TTC12: variants seen among roughly 807,000 people sequenced by gnomAD.
TTC12 encodes the protein tetratricopeptide repeat domain 12.
Under a neutral mutation model 90.1 loss-of-function variants are expected in TTC12, and 70 were observed. The ratio of observed to expected loss-of-function variants is 0.78; its 90% CI spans 0.64 to 0.95. The LOEUF (loss-of-function observed/expected upper bound fraction) is 0.95, where lower values mean the gene tolerates loss of function less well. Among genes scored for constraint, TTC12 ranks in the 40% least tolerant of loss-of-function variants. The pLI is 0.00. For synonymous variants in TTC12, 296 were observed against 311.5 expected, an observed-to-expected ratio of 0.95 and a Z score of 0.53; for missense variants, 819 against 846.1, an observed-to-expected ratio of 0.97 and a Z score of 0.40.
At chr11:113,314,972 G>C (rs1417167443) in intron 1 of TTC12, 1 of 151,878 alleles carries the variant, frequency 6.6e-6, no homozygotes, top group Non-Finnish European at 1.5e-5. Flanking sequence ...TCTCACCCTA[G>C]CGTAGGGGGG....
chr11:113,349,816 G>A (rs559907157), intron 13 of TTC12, among the ~76,000 whole-genome samples: 23 of 152,250 alleles, frequency 1.5e-4, no homozygotes, highest in African/African-American at 4.6e-4. Flanking sequence ...CTGAGCTGGC[G>A]TCCGATAATC....
Position 113,344,366 on chromosome 11 carries a change from C to G in TTC12, c.1080C>G (p.Ser360Arg). 1 of 1,614,234 alleles carries G rather than the reference C, an allele frequency of 6.2e-7. No individual in the cohort carries two copies. Among genetic ancestry groups the G allele is most frequent in the Non-Finnish European group, 8.5e-7 (1 of 1,180,028 alleles). Reference sequence around the variant, plus strand: ...AGGTCCTGGCCATCCGGCAGCAGAGCTTTGCCCTGCTGCTGCATCTCGCCC... The same window carrying G: ...AGGTCCTGGCCATCCGGCAGCAGAGGTTTGCCCTGCTGCTGCATCTCGCCC... ...SSKVLAIRQQ[S>R]FALLLHLAQT... is the part of the protein sequence containing the mutation. The change falls in exon 13 of 22, where the codon AGC becomes AGG. Residue 360 changes from serine (S) to arginine (R), a missense_variant. Physicochemically the swap from Ser to Arg is moderately radical, Grantham distance 110. Transcript: ENST00000529221.
intron 7 of TTC12, among the ~76,000 whole-genome samples, chr11:113,332,360 C>T (rs1415365541): frequency 6.6e-6 from 1 of 152,208 alleles, no homozygotes; most frequent in Non-Finnish European, 1.5e-5. Context: ...AAAGTCACAA[C>T]TATCTGCACT....
chr11:113,366,092 A>G (rs1950190435), intron 21 of TTC12, 133 bp from the exon 22 acceptor site: 1 of 929,082 alleles, frequency 1.1e-6, no homozygotes, highest in Admixed American at 2.0e-5. Context: ...TGCCACAGCC[A>G]CTTCCTGTTT....
rs35852218 is a variant in TTC12 at position 113,352,163 on chromosome 11, A to G, written c.1402A>G (p.Met468Val). 3.7e-6 allele frequency: 6 copies of G among 1,614,106 alleles called. No individual in the cohort carries two copies. In the Admixed American group the frequency reaches 6.7e-5, roughly 18 times the overall value. ...TGCTGAGCCCACTACCCGAAGACAC[A>G]TGGCGGCCTGTGAGGAATTTGGGGA... ...LSAEPTTRRH[M>V]AACEEFGDGC... The change falls in exon 16 of 22, where the codon ATG (methionine) becomes GTG (valine). Residue 468 changes from methionine to valine, a missense_variant. Coordinates refer to ENST00000529221, the MANE Select transcript of TTC12 (RefSeq NM_017868.4).
downstream of TTC12, among the ~76,000 whole-genome samples, chr11:113,370,868 C>A (rs897521833): frequency 2.6e-5 from 4 of 152,220 alleles, no homozygotes; most frequent in African/African-American, 9.6e-5. Context: ...ATTGTCACAT[C>A]TGTCCCCAAC....
At chr11:113,344,687 A>G (rs1197638547) in intron 13 of TTC12, among the ~76,000 whole-genome samples, 2 of 152,224 alleles carry the variant, frequency 1.3e-5, no homozygotes, top group Non-Finnish European at 2.9e-5. Context: ...TGCAAATGGC[A>G]GTGCTTCCGT....
chr11:113,340,833 C>T (rs1948640177), intron 11 of TTC12, 100 bp downstream of exon 11: 8 of 997,542 alleles, frequency 8.0e-6, no homozygotes, highest in Non-Finnish European at 1.3e-5. Context: ...CGTTTCTGAA[C>T]ATTACCCCCC....
chr11:113,373,205 A>T (rs1252885820), exon 22 of TTC12: 1 of 985,248 alleles, frequency 1.0e-6, no homozygotes, highest in Non-Finnish European at 1.2e-6. Flanking sequence ...TCCACATGCA[A>T]CTGTCCCCAA....
rs145495988 is a variant in TTC12, at chr11:113,323,347, G to C, written c.118G>C (p.Glu40Gln). ...DPVVQQKAVL[E>Q]TEKRLLLMEE... ...AGTTGTGCAACAGAAAGCTGTCCTG[G>C]AGACAGAAAAGAGACTACTGCTTAT... Residue 40 changes from glutamate to glutamine, a missense_variant, in exon 3 of 22, where the codon GAG becomes CAG. Physicochemically the swap from Glu to Gln is conservative, Grantham distance 29. Coordinates refer to ENST00000529221, the MANE Select transcript of TTC12 (RefSeq NM_017868.4). The C allele has an allele frequency of 3.8e-4, 613 of 1,612,880 alleles. 8 individuals carry two copies. In the East Asian group the frequency reaches 0.013, roughly 35 times the overall value.
intron 7 of TTC12, 63 bp downstream of exon 7, chr11:113,330,042 C>A: frequency 7.6e-7 from 1 of 1,319,232 alleles, no homozygotes; most frequent in Non-Finnish European, 1.1e-6. Context: ...AGGCAGCTGC[C>A]AGTGTATCAA....
Position 113,324,580 on chromosome 11 carries a change from A to C in TTC12, c.245-25A>C, listed in dbSNP as rs1591525070. 2.5e-6 allele frequency: 4 copies of C among 1,599,358 alleles called. No individual in the cohort carries two copies. The East Asian group carries it at 8.9e-5, about 36-fold the overall frequency. On this transcript the variant is annotated intron_variant, in intron 4 of 21. Coordinates refer to ENST00000529221, the MANE Select transcript of TTC12 (RefSeq NM_017868.4). ...TATAGTATTTGGATTTTTCTTTTTA[A>C]TATCTGAAATTACCCTGCTGTCAGA... is the stretch of plus-strand genomic sequence containing the variant.
intron 12 of TTC12, among the ~76,000 whole-genome samples, chr11:113,343,661 T>G (rs1348177974): frequency 2.0e-5 from 3 of 152,170 alleles, no homozygotes; most frequent in Non-Finnish European, 1.5e-5. Context: ...TAGCTTAGCC[T>G]CATACTGCAG....
downstream of TTC12, chr11:113,368,813 G>A (rs1389536252): frequency 5.4e-6 from 2 of 372,466 alleles, no homozygotes; most frequent in South Asian, 7.5e-5. Context: ...TTAGGTTGGT[G>A]CAAAACTAAT....
chr11:113,323,293 T>G lies in TTC12; in HGVS notation c.64T>G (p.Leu22Val). Residue 22 changes from leucine (L) to valine (V), a missense_variant, in exon 3 of 22, where the codon TTA (leucine) becomes GTA (valine). Physicochemically the swap from Leu to Val is conservative, Grantham distance 32. Transcript: ENST00000529221. ...FLKNVDEISN[L>V]IQEMNSDDPV... ...ACACCTGATTTCTTCTCTAGCCAAT[T>G]TAATTCAGGAGATGAATTCTGATGA... The G allele has an allele frequency of 6.3e-7, 1 of 1,599,926 alleles. No individual in the cohort carries two copies. The highest frequency in any genetic ancestry group is 8.5e-7 in the Non-Finnish European group (1 of 1,175,498).
chr11:113,330,977 C>G (rs941246598), intron 7 of TTC12, among the ~76,000 whole-genome samples: 4 of 152,188 alleles, frequency 2.6e-5, no homozygotes, highest in Non-Finnish European at 5.9e-5. Flanking sequence ...TGTCCCAAAA[C>G]AAGAGGACAC....
chr11:113,350,190 G>T, intron 14 of TTC12, 25 bp downstream of exon 14: 2 of 1,507,402 alleles, frequency 1.3e-6, no homozygotes, highest in South Asian at 2.3e-5. Context: ...TATAGAAATT[G>T]ACATTTCTTC....
chr11:113,372,882 G>A (rs976666750), intron 21 of TTC12, among the ~76,000 whole-genome samples: 1 of 152,076 alleles, frequency 6.6e-6, no homozygotes, highest in Non-Finnish European at 1.5e-5. Context: ...AGCAATGTTT[G>A]TTGAAGGGCA....
In TTC12 at chr11:113,356,400, C is replaced by T. The variant is rs571637546; in HGVS notation, c.1447-2963C>T. On this transcript the variant is annotated intron_variant, in intron 16 of 21. Transcript: ENST00000529221. Reference sequence around the variant, plus strand: ...TCGTGGTTCTTTGTCCAGCTTGCCACTCTGTGTCTTGGGACATTTGGCTCA... The same window carrying T: ...TCGTGGTTCTTTGTCCAGCTTGCCATTCTGTGTCTTGGGACATTTGGCTCA... Among the ~76,000 whole-genome samples the T allele has an allele frequency of 1.0e-3, 154 of 152,288 alleles. 1 individual carries two copies. The highest frequency in any genetic ancestry group is 3.6e-3 in the African/African-American group (149 of 41,554).
Sources: gnomAD v4.1 joint callset for allele counts (sites outside exome capture counted in the v4.1 genomes callset) on GRCh38, gnomAD v4.1.1 for gene constraint, MANE v1.5 for transcripts, NCBI Gene and HGNC (gene_info 2026-07-23, HGNC 2026-07-21) for gene names.